Variants in RALA observed in about 807,000 individuals in gnomAD.
The protein encoded by RALA is RAS like proto-oncogene A.
Under a neutral mutation model 24.0 loss-of-function variants are expected in RALA, and 5 were observed. The ratio of observed to expected loss-of-function variants is 0.21; its 90% CI spans 0.11 to 0.44. The LOEUF (loss-of-function observed/expected upper bound fraction) is 0.44. RALA is among the 20% of genes least tolerant of loss of function. The pLI, the probability that RALA is intolerant of heterozygous loss-of-function variation, is 0.99. For missense variants in RALA, 95 were observed against 241.2 expected (o/e 0.39, Z 4.01); for synonymous variants, 77 against 83.8 (o/e 0.92, Z 0.44).
chr7:39,693,424 G>T (rs1247668140), intron 3 of RALA, among the ~76,000 whole-genome samples: 1 of 152,142 alleles, frequency 6.6e-6, no homozygotes, highest in African/African-American at 2.4e-5. Context: ...ATCGTGGGGT[G>T]GGGGACTGGG....
At chr7:39,650,102 TAG>T (rs944635104) in intron 1 of RALA, among the ~76,000 whole-genome samples, 5 of 152,198 alleles carry the variant, frequency 3.3e-5, no homozygotes, top group African/African-American at 7.2e-5. Context: ...TTGAATCCAG[TAG>T]AGAGGAACAA....
At position 39,708,099 on chromosome 7, in the gene RALA, C is replaced by G. The variant is rs1225909782; in HGVS notation, c.*1854C>G. Reference sequence around the variant, plus strand: ...TTTGCAATTTGAGCCATTTAAAGACCAATAAACTTCCTTTTTTAAAATGTT... The same window carrying G: ...TTTGCAATTTGAGCCATTTAAAGACGAATAAACTTCCTTTTTTAAAATGTT... On this transcript the variant is annotated 3_prime_UTR_variant, in exon 5 of 5. Coordinates refer to ENST00000005257, the MANE Select transcript of RALA (RefSeq NM_005402.4). 1.9e-4 allele frequency: 29 copies of G among 152,594 alleles called. No individual in the cohort carries two copies. Among genetic ancestry groups the G allele is most frequent in the Admixed American group, 1.9e-3 (29 of 15,276 alleles). 9.5% of individuals were successfully genotyped at this position (152,594 alleles called of 1,614,324 possible).
At chr7:39,673,975 C>T (rs977953677) in intron 1 of RALA, among the ~76,000 whole-genome samples, 1 of 151,606 alleles carries the variant, frequency 6.6e-6, no homozygotes, top group Non-Finnish European at 1.5e-5. Context: ...GAGACCTCGT[C>T]TCTACTAAAA....
At chr7:39,655,811 T>A (rs1040483501) in intron 1 of RALA, among the ~76,000 whole-genome samples, 9 of 152,150 alleles carry the variant, frequency 5.9e-5, no homozygotes, top group African/African-American at 1.2e-4. Context: ...TCCCCAAATT[T>A]TCCACAATTA....
Position 39,696,876 on chromosome 7 carries a change from T to C in RALA, c.498+17T>C, listed in dbSNP as rs181970980. On this transcript the variant is annotated intron_variant, in intron 4 of 4. Transcript: ENST00000005257. ...GTTGACAAGGTAACACGTGACTCTT[T>C]ACTACTGCATCATGTTAAAATAGGT... 3.1e-6 allele frequency: 5 copies of C among 1,594,262 alleles called. No homozygotes were observed. The highest frequency in any genetic ancestry group is 4.3e-6 in the Non-Finnish European group (5 of 1,171,814).
intron 1 of RALA, among the ~76,000 whole-genome samples, chr7:39,685,328 G>A (rs1792678074): frequency 6.6e-6 from 1 of 152,212 alleles, no homozygotes; most frequent in African/African-American, 2.4e-5. Flanking sequence ...GACCGTTGTG[G>A]GTCTGATGCA....
At chr7:39,686,230 A>G (rs1225813754) in intron 1 of RALA, among the ~76,000 whole-genome samples, 1 of 151,854 alleles carries the variant, frequency 6.6e-6, no homozygotes, top group African/African-American at 2.4e-5. Context: ...AAAAGGAAGA[A>G]ACATCTCTTT....
At chr7:39,673,521 A>T (rs1792425005) in intron 1 of RALA, among the ~76,000 whole-genome samples, 1 of 152,122 alleles carries the variant, frequency 6.6e-6, no homozygotes, top group African/African-American at 2.4e-5. Flanking sequence ...TTTGTGAGTG[A>T]GGTTGTAAAT....
intron 1 of RALA, among the ~76,000 whole-genome samples, chr7:39,669,836 TA>T (rs1455857596): frequency 6.7e-6 from 1 of 150,080 alleles, no homozygotes; most frequent in Non-Finnish European, 1.5e-5. Flanking sequence ...AGCCTGCTAG[TA>T]AACTTTCTGT....
intron 4 of RALA, chr7:39,697,597 A>C (rs1359777288): frequency 3.1e-6 from 1 of 326,998 alleles, no homozygotes; most frequent in African/African-American, 2.1e-5. Flanking sequence ...TCAAGCTCCA[A>C]TAGGCAAAAG....
At chr7:39,696,661 T>C (rs1792927340) in intron 3 of RALA, 24 bp from the exon 4 acceptor site, 1 of 1,547,244 alleles carries the variant, frequency 6.5e-7, no homozygotes, top group Non-Finnish European at 8.8e-7. Flanking sequence ...TGTTAATATT[T>C]CTTTTTCATT....
chr7:39,628,957 G>A (rs973843048), intron 1 of RALA, among the ~76,000 whole-genome samples: 4 of 152,170 alleles, frequency 2.6e-5, no homozygotes, highest in Non-Finnish European at 5.9e-5. Context: ...ACTAAAATCA[G>A]TAACTTTCAT....
At chr7:39,692,951 A>G (rs1269892781) in intron 3 of RALA, among the ~76,000 whole-genome samples, 1 of 152,188 alleles carries the variant, frequency 6.6e-6, no homozygotes, top group East Asian at 1.9e-4. Flanking sequence ...AGAAATAGGA[A>G]TGCTTTTACA....
rs916768451 is a variant in RALA, at chr7:39,623,595, A to T, written c.-268A>T. 6.6e-6 allele frequency: 1 copy of T among 152,604 alleles called. No homozygotes were observed. The highest frequency in any genetic ancestry group is 2.4e-5 in the African/African-American group (1 of 41,418). 9.5% of individuals were successfully genotyped at this position (152,604 alleles called of 1,614,324 possible). A position where few individuals can be genotyped will look rare whatever the true frequency, so the allele number is the denominator to read the frequency against. On this transcript the variant is annotated 5_prime_UTR_variant, in exon 1 of 5. Transcript: ENST00000005257. This position sits in a 1 kb window ranked among gnomAD's most constrained non-coding sequence, Gnocchi z 4.9. ...CTGTGGCGGCTGCTGCAGAGCCGCC[A>T]GGAGGAGGGTGGATCTCCCCAGAGC...
intron 1 of RALA, among the ~76,000 whole-genome samples, chr7:39,624,835 A>C (rs1791453543): frequency 6.6e-6 from 1 of 152,238 alleles, no homozygotes; most frequent in South Asian, 2.1e-4. Flanking sequence ...TGCAACTTTA[A>C]TCATATTCCA....
chr7:39,692,234 C>G (rs934741849), intron 3 of RALA, among the ~76,000 whole-genome samples: 1 of 152,156 alleles, frequency 6.6e-6, no homozygotes, highest in Non-Finnish European at 1.5e-5. Flanking sequence ...CTCTGTGATC[C>G]ACAAAATCCA....
intron 4 of RALA, among the ~76,000 whole-genome samples, chr7:39,704,750 A>G (rs964117102): frequency 1.3e-5 from 2 of 152,064 alleles, no homozygotes; most frequent in Admixed American, 1.3e-4. Flanking sequence ...ATCTCGGCTC[A>G]GTGCAACCTC....
At chr7:39,638,870 A>G (rs1003987667) in intron 1 of RALA, among the ~76,000 whole-genome samples, 3 of 152,164 alleles carry the variant, frequency 2.0e-5, no homozygotes, top group African/African-American at 7.2e-5. Flanking sequence ...TTCATTTCTC[A>G]TGTATATATA....
At chr7:39,673,242 G>C (rs1192790707) in intron 1 of RALA, among the ~76,000 whole-genome samples, 2 of 152,112 alleles carry the variant, frequency 1.3e-5, no homozygotes, top group African/African-American at 4.8e-5. Flanking sequence ...AACTTTAGGA[G>C]ACAGATCAGA....
Sources: gnomAD v4.1 joint callset for allele counts (sites outside exome capture counted in the v4.1 genomes callset) on GRCh38, gnomAD v4.1.1 for gene constraint, Gnocchi (gnomAD v3.1) non-coding constraint, MANE v1.5 for transcripts, NCBI Gene and HGNC (gene_info 2026-07-23, HGNC 2026-07-21) for gene names.